KDSR: variants seen among roughly 807,000 people sequenced by gnomAD.
The protein encoded by KDSR is 3-ketodihydrosphingosine reductase, also known as 3-dehydrosphinganine reductase.
A neutral mutation model predicts 41.3 loss-of-function variants in KDSR; 23 were observed. The observed-to-expected ratio is 0.56, with a 90% CI of 0.40 to 0.79. KDSR has a LOEUF of 0.79. Among genes scored for constraint, KDSR ranks in the 30% least tolerant of loss-of-function variants. KDSR has a pLI of 0.00. For missense variants in KDSR, 351 were observed against 416.8 expected, an observed-to-expected ratio of 0.84 and a Z score of 1.37; for synonymous variants, 138 against 151.7, an observed-to-expected ratio of 0.91 and a Z score of 0.66.
intron 1 of KDSR, among the ~76,000 whole-genome samples, chr18:63,364,279 T>C (rs1412540975): frequency 1.3e-5 from 2 of 152,158 alleles, no homozygotes; most frequent in African/African-American, 4.8e-5. Flanking sequence ...TCTAGATTTA[T>C]TTGTGTGATT....
At chr18:63,348,669 T>TG (rs1429927151) in intron 6 of KDSR, among the ~76,000 whole-genome samples, 5 of 152,144 alleles carry the variant, frequency 3.3e-5, no homozygotes, top group African/African-American at 7.2e-5. Context: ...TCACAGAGGT[T>TG]GGGGGGCTCT....
chr18:63,357,565 TAC>T (rs1914832093), intron 3 of KDSR, among the ~76,000 whole-genome samples: 1 of 106,482 alleles, frequency 9.4e-6, no homozygotes, highest in East Asian at 3.5e-4. Context: ...CATACATACA[TAC>T]ATACATATAT....
At chr18:63,344,701 C>T in intron 6 of KDSR, 2 of 462,852 alleles carry the variant, frequency 4.3e-6, no homozygotes, top group South Asian at 3.7e-5. Context: ...TAACCTGGAC[C>T]CCAGAAAACA....
At chr18:63,338,023 G>A (rs1320577397) in intron 8 of KDSR, among the ~76,000 whole-genome samples, 1 of 152,208 alleles carries the variant, frequency 6.6e-6, no homozygotes, top group African/African-American at 2.4e-5. Flanking sequence ...AGTCTCACTT[G>A]TGCCATCTTC....
intron 6 of KDSR, among the ~76,000 whole-genome samples, chr18:63,350,337 C>T (rs1025505806): frequency 5.3e-5 from 8 of 152,184 alleles, no homozygotes; most frequent in African/African-American, 1.9e-4. Flanking sequence ...AAAAAGCATT[C>T]ATTTTCCCAA....
intron 8 of KDSR, among the ~76,000 whole-genome samples, chr18:63,338,452 A>C (rs527273234): frequency 6.6e-6 from 1 of 152,248 alleles, no homozygotes; most frequent in Non-Finnish European, 1.5e-5. Flanking sequence ...ACTGGGAAGC[A>C]GGAATGGGAG....
At chr18:63,332,931 AC>A (rs1914052702) in intron 9 of KDSR, among the ~76,000 whole-genome samples, 1 of 152,006 alleles carries the variant, frequency 6.6e-6, no homozygotes, top group Non-Finnish European at 1.5e-5. Flanking sequence ...TCCGGAAAAA[AC>A]AATATTTAAG....
intron 5 of KDSR, among the ~76,000 whole-genome samples, chr18:63,352,700 C>G (rs1255526647): frequency 2.6e-5 from 4 of 152,082 alleles, no homozygotes; most frequent in Admixed American, 2.0e-4. Context: ...AAAGCAGAAG[C>G]TAGACTGTAT....
Position 63,328,150 on chromosome 18 carries a change from C to A in KDSR, c.*3632G>T, listed in dbSNP as rs1442028636. The A allele has an allele frequency of 5.4e-6, 1 of 184,640 alleles. No individual in the cohort carries two copies. Among genetic ancestry groups the A allele is most frequent in the Non-Finnish European group, 1.1e-5 (1 of 87,246 alleles). 11.4% of individuals were successfully genotyped at this position (184,640 alleles called of 1,614,324 possible). On this transcript the variant is annotated 3_prime_UTR_variant, in exon 10 of 10. Transcript: ENST00000645214. ...TGAGTAATACATGTTTAAATTAGAACCTGATGTAATTAAATGTTTATGTAA... is the reference window on the plus strand; with the variant it reads ...TGAGTAATACATGTTTAAATTAGAAACTGATGTAATTAAATGTTTATGTAA...
intron 2 of KDSR, among the ~76,000 whole-genome samples, chr18:63,361,688 G>A (rs1056005908): frequency 1.3e-5 from 2 of 151,996 alleles, no homozygotes; most frequent in East Asian, 1.9e-4. Flanking sequence ...GGTGGTGGGC[G>A]CCTGTAGTCC....
intron 1 of KDSR, 102 bp from the exon 2 acceptor site, chr18:63,362,970 G>T (rs527901435): frequency 2.8e-6 from 2 of 718,186 alleles, no homozygotes; most frequent in South Asian, 3.6e-5. Context: ...GAATCTACAA[G>T]AACTAAATGA....
chr18:63,332,525 C>CG (rs1024666039), intron 9 of KDSR, among the ~76,000 whole-genome samples: 3 of 152,108 alleles, frequency 2.0e-5, no homozygotes, highest in African/African-American at 7.2e-5. Context: ...CATGAGTCCC[C>CG]GTGCATAAGA....
chr18:63,358,954 G>A (rs7233544), intron 3 of KDSR, among the ~76,000 whole-genome samples: 24,132 of 151,166 alleles, frequency 0.16, 2,572 homozygotes, highest in East Asian at 0.55. Context: ...AGAGGTAGGC[G>A]GACTGCTTGA....
intron 5 of KDSR, 41 bp from the exon 6 acceptor site, chr18:63,351,120 A>G: frequency 6.7e-7 from 1 of 1,496,056 alleles, no homozygotes; most frequent in African/African-American, 1.4e-5. Context: ...AAAAGCCTCA[A>G]GGCTGTGCAC....
intron 3 of KDSR, among the ~76,000 whole-genome samples, chr18:63,357,459 T>C (rs1914827148): frequency 6.9e-6 from 1 of 145,476 alleles, no homozygotes; most frequent in African/African-American, 2.6e-5. Flanking sequence ...TACAATAGAA[T>C]ACTACGCAGC....
At chr18:63,338,993 G>T in intron 7 of KDSR, 110 bp from the exon 8 acceptor site, 1 of 645,452 alleles carries the variant, frequency 1.5e-6, no homozygotes, top group Non-Finnish European at 2.6e-6. Context: ...TTCTACCTTT[G>T]GGCAGATTCC....
At chr18:63,335,613 C>A (rs1264584079) in intron 8 of KDSR, 1 of 387,982 alleles carries the variant, frequency 2.6e-6, no homozygotes, top group African/African-American at 2.1e-5. Context: ...ATTGTCTTTT[C>A]CACAGTGTGT....
chr18:63,366,699 A>C, intron 1 of KDSR: 1 of 292,960 alleles, frequency 3.4e-6, no homozygotes, highest in Non-Finnish European at 6.3e-6. Context: ...TCCACATCCC[A>C]GGGATGTTGC....
At chr18:63,335,592 C>T (rs1006280630) in intron 8 of KDSR, 12 of 447,692 alleles carry the variant, frequency 2.7e-5, no homozygotes, top group African/African-American at 1.2e-4. Flanking sequence ...CCTAATAACA[C>T]TAAGACATTC....
Sources: allele counts gnomAD v4.1 joint callset (sites outside exome capture counted in the v4.1 genomes callset), GRCh38; gene constraint gnomAD v4.1.1; transcripts MANE v1.5; gene names NCBI Gene and HGNC (gene_info 2026-07-23, HGNC 2026-07-21).